Variants in STYXL2 observed in about 807,000 individuals in gnomAD.
STYXL2 encodes the protein serine/threonine/tyrosine interacting like 2.
Under a neutral mutation model 52.4 loss-of-function variants are expected in STYXL2, and 44 were observed. The observed-to-expected ratio is 0.84, with a 90% confidence interval of 0.66 to 1.08. STYXL2 has a LOEUF of 1.08. STYXL2 is among the 50% of genes least tolerant of loss of function. The pLI is 0.00. For missense variants in STYXL2, 1,604 were observed against 1,471.7 expected, an observed-to-expected ratio of 1.09 and a Z score of -1.47; for synonymous variants, 604 against 586.9, an observed-to-expected ratio of 1.03 and a Z score of -0.42.
intron 2 of STYXL2, among the ~76,000 whole-genome samples, chr1:167,109,514 G>C (rs544353788): frequency 3.3e-5 from 5 of 152,012 alleles, no homozygotes; most frequent in African/African-American, 4.8e-5. Flanking sequence ...CTCCATCCCC[G>C]ACAGCAAGCC....
chr1:167,095,151 G>T (rs768264043), intron 2 of STYXL2, among the ~76,000 whole-genome samples, 192 bp downstream of exon 2: 19 of 150,530 alleles, frequency 1.3e-4, no homozygotes, highest in Admixed American at 5.3e-4. Context: ...AATGTGGCAG[G>T]TGTGTGCTAG....
intron 5 of STYXL2, among the ~76,000 whole-genome samples, chr1:167,120,829 CATATAT>C (rs71587032): frequency 9.6e-4 from 110 of 115,044 alleles, no homozygotes; most frequent in Non-Finnish European, 1.6e-3. Context: ...GTGTAAATTA[CATATAT>C]ATATATATAT....
At position 167,095,171 on chromosome 1, in the gene STYXL2, T is replaced by C. The variant is rs79682180; in HGVS notation, c.110+212T>C. 5.7e-3 allele frequency among the ~76,000 whole-genome samples: 862 copies of C among 149,984 alleles called. 6 individuals are homozygous for C. Among genetic ancestry groups the C allele is most frequent in the African/African-American group, 0.02 (812 of 40,516 alleles). On this transcript the variant is annotated intron_variant, in intron 2 of 5. Coordinates refer to ENST00000361200, the MANE Select transcript of STYXL2 (RefSeq NM_001080426.3). ...GGCAGGTGTGTGCTAGATATTAATATGACCAGGATCTAGTATGTGGTGGAC... is the reference window on the plus strand; with the variant it reads ...GGCAGGTGTGTGCTAGATATTAATACGACCAGGATCTAGTATGTGGTGGAC...
intron 2 of STYXL2, among the ~76,000 whole-genome samples, chr1:167,104,062 TGAGCCGA>T (rs1292564671): frequency 6.6e-6 from 1 of 151,880 alleles, no homozygotes; most frequent in Admixed American, 6.6e-5. Context: ...GAGCTTGCAG[TGAGCCGA>T]GATTGGGCCA....
chr1:167,101,214 A>G (rs1219453030), intron 2 of STYXL2, among the ~76,000 whole-genome samples: 2 of 152,230 alleles, frequency 1.3e-5, no homozygotes, highest in Admixed American at 1.3e-4. Context: ...GCAAATAAGC[A>G]CATGAAAAGA....
Position 167,127,523 on chromosome 1 carries a change from G to T in STYXL2, c.2392G>T (p.Val798Leu). 6.2e-7 allele frequency: 1 copy of T among 1,614,124 alleles called. No homozygotes were observed. The highest frequency in any genetic ancestry group is 1.3e-5 in the African/African-American group (1 of 75,038). Residue 798 changes from valine (V) to leucine (L), a missense_variant, in exon 6 of 6, where the codon GTG becomes TTG. Physicochemically the swap from Val to Leu is conservative, Grantham distance 32 (BLOSUM62 1). Transcript: ENST00000361200. Reference protein sequence around the residue: ...QARPSSDMQSVLSCNTTLSSP... With the variant: ...QARPSSDMQSLLSCNTTLSSP... ...AAGACCCAGCTCTGACATGCAGTCT[G>T]TGCTGTCCTGCAACACCACACTGAG...
Position 167,127,553 on chromosome 1 carries a change from C to G in STYXL2, c.2422C>G (p.Pro808Ala), listed in dbSNP as rs768961009. 1 of 1,614,048 alleles carries G rather than the reference C, an allele frequency of 6.2e-7. No homozygotes were observed. ...VLSCNTTLSS[P>A]AESCRSKVRG... ...GTCCTGCAACACCACACTGAGCTCA[C>G]CCGCGGAAAGTTGCAGAAGCAAAGT... Residue 808 changes from proline (P) to alanine (A), a missense_variant, in exon 6 of 6, where the codon CCC becomes GCC. Pro to Ala is a conservative substitution (Grantham distance 27, BLOSUM62 -1). Transcript: ENST00000361200.
At chr1:167,096,848 C>A (rs1667294797) in intron 2 of STYXL2, among the ~76,000 whole-genome samples, 1 of 152,130 alleles carries the variant, frequency 6.6e-6, no homozygotes, top group Admixed American at 6.5e-5. Flanking sequence ...TTACTGCCTC[C>A]TAAGTGAGGC....
chr1:167,113,841 G>GATGACCACTGGACTT, intron 3 of STYXL2, 37 bp downstream of exon 3: 3 of 1,526,742 alleles, frequency 2.0e-6, no homozygotes, highest in Non-Finnish European at 2.7e-6. Flanking sequence ...GCAAAGTCCA[G>GATGACCACTGGACTT]TGGTCATCTG....
chr1:167,117,830 C>T (rs1667762810), intron 4 of STYXL2, among the ~76,000 whole-genome samples: 1 of 152,228 alleles, frequency 6.6e-6, no homozygotes, highest in Admixed American at 6.5e-5. Context: ...GGCCTCCTTT[C>T]CTGCCACAGA....
chr1:167,106,944 C>T (rs1667516363), intron 2 of STYXL2, among the ~76,000 whole-genome samples: 1 of 152,126 alleles, frequency 6.6e-6, no homozygotes, highest in East Asian at 1.9e-4. Context: ...ACAAATTACC[C>T]CAAAACTTAA....
At chr1:167,112,281 G>C (rs1382873199) in intron 2 of STYXL2, among the ~76,000 whole-genome samples, 2 of 152,164 alleles carry the variant, frequency 1.3e-5, no homozygotes, top group African/African-American at 2.4e-5. Context: ...GTCCTGGGTA[G>C]AGTCCCAGGC....
chr1:167,095,901 A>G (rs959935481), intron 2 of STYXL2, among the ~76,000 whole-genome samples: 1 of 152,126 alleles, frequency 6.6e-6, no homozygotes, highest in African/African-American at 2.4e-5. Context: ...TCCTGTGTCA[A>G]AAGGCTTCCC....
intron 5 of STYXL2, among the ~76,000 whole-genome samples, chr1:167,123,232 G>A (rs1667894163): frequency 6.6e-6 from 1 of 152,140 alleles, no homozygotes; most frequent in African/African-American, 2.4e-5. Flanking sequence ...GGATGAAGTG[G>A]GTAAACATCC....
intron 3 of STYXL2, among the ~76,000 whole-genome samples, chr1:167,115,479 C>G (rs1358799025): frequency 1.3e-5 from 2 of 152,030 alleles, no homozygotes; most frequent in African/African-American, 4.8e-5. Flanking sequence ...GCAGGAGTTG[C>G]CATCAGGGGT....
chr1:167,095,564 G>A (rs759527655), intron 2 of STYXL2, among the ~76,000 whole-genome samples: 11 of 151,854 alleles, frequency 7.2e-5, no homozygotes, highest in African/African-American at 2.2e-4. Context: ...TAAAATCATC[G>A]ACGTTATGTT....
chr1:167,111,513 T>TACATACAC (rs1667621683), intron 2 of STYXL2, among the ~76,000 whole-genome samples: 6 of 50,118 alleles, frequency 1.2e-4, no homozygotes, highest in African/African-American at 1.2e-4. Flanking sequence ...TATATATATA[T>TACATACAC]ACACACACAC....
rs1050501742 is a variant in STYXL2 at position 167,128,153 on chromosome 1, T to C, written c.3022T>C (p.Ser1008Pro). Reference protein sequence around the residue: ...GNSVRSTSRFSSSSTREGREM... With the variant: ...GNSVRSTSRFPSSSTREGREM... ...CTCTGTAAGAAGCACTTCACGGTTCTCATCTTCCTCCACCAGGGAGGGCAG... is the reference window on the plus strand; with the variant it reads ...CTCTGTAAGAAGCACTTCACGGTTCCCATCTTCCTCCACCAGGGAGGGCAG... The change falls in exon 6 of 6, where the codon TCA becomes CCA. Residue 1008 changes from serine to proline, a missense_variant. By Grantham distance (74) the Ser-to-Pro change is moderately conservative. Coordinates refer to ENST00000361200, the MANE Select transcript of STYXL2 (RefSeq NM_001080426.3). 6.2e-7 allele frequency: 1 copy of C among 1,614,206 alleles called. No homozygotes were observed. The highest frequency in any genetic ancestry group is 1.3e-5 in the African/African-American group (1 of 75,052).
chr1:167,128,952 ACTC>A lies in STYXL2; in HGVS notation c.*346_*348del. On this transcript the variant is annotated 3_prime_UTR_variant, in exon 6 of 6. Coordinates refer to ENST00000361200, the MANE Select transcript of STYXL2 (RefSeq NM_001080426.3). ...GGAAAAGCACTGTAGTTTGTCAGAG[ACTC>A]CAGTTTACATCCAGAAAGGCCATGA... The A allele has an allele frequency of 4.6e-6, 1 of 219,118 alleles. No homozygotes were observed. Among genetic ancestry groups the A allele is most frequent in the East Asian group, 1.2e-4 (1 of 8,680 alleles). The allele number at this position is 219,118 out of a possible 1,614,324, so 13.6% of individuals were successfully genotyped here.
Sources: allele counts gnomAD v4.1 joint callset (sites outside exome capture counted in the v4.1 genomes callset), GRCh38; gene constraint gnomAD v4.1.1; transcripts MANE v1.5; gene names NCBI Gene and HGNC (gene_info 2026-07-23, HGNC 2026-07-21).